The following UNC13C variants were observed in gnomAD, a reference collection of about 807,000 sequenced individuals.
The protein encoded by UNC13C is unc-13 homolog C.
UNC13C carries 174 observed loss-of-function variants against 245.4 expected under a neutral mutation model. The observed-to-expected ratio is 0.71, with a 90% CI of 0.63 to 0.80. The LOEUF (loss-of-function observed/expected upper bound fraction) is 0.80, where lower values mean the gene tolerates loss of function less well. UNC13C is among the 30% of genes least tolerant of loss of function. The pLI, the probability that UNC13C is intolerant of heterozygous loss-of-function variation, is 0.00. For missense variants in UNC13C, 2,829 were observed against 2,602.9 expected (o/e 1.09, Z -1.89); for synonymous variants, 992 against 895.1 (o/e 1.11, Z -1.93).
At chr15:54,462,994 C>T (rs1452920755) in intron 19 of UNC13C, among the ~76,000 whole-genome samples, 6 of 152,116 alleles carry the variant, frequency 3.9e-5, no homozygotes, top group Middle Eastern at 3.4e-3. Flanking sequence ...CTGTGTCTAG[C>T]TTGGGGGTTT....
chr15:54,530,585 G>A (rs1895691213), intron 25 of UNC13C, among the ~76,000 whole-genome samples: 1 of 152,070 alleles, frequency 6.6e-6, no homozygotes, highest in Admixed American at 6.6e-5. Flanking sequence ...AGAACAATAA[G>A]GGAACAGAGA....
At chr15:54,020,918 C>T (rs2141003576) in intron 2 of UNC13C, among the ~76,000 whole-genome samples, 1 of 152,084 alleles carries the variant, frequency 6.6e-6, no homozygotes, top group South Asian at 2.1e-4. Flanking sequence ...TAGAAGGCAA[C>T]TTATTTGCAA....
At chr15:54,278,574 C>T (rs1159857353) in intron 10 of UNC13C, among the ~76,000 whole-genome samples, 3 of 152,134 alleles carry the variant, frequency 2.0e-5, no homozygotes, top group African/African-American at 7.2e-5. Context: ...CAATGCCGTT[C>T]TTCTCTCCAT....
At chr15:54,548,260 C>T (rs1896581757) in intron 27 of UNC13C, among the ~76,000 whole-genome samples, 2 of 110,132 alleles carry the variant, frequency 1.8e-5, no homozygotes, top group South Asian at 3.3e-4. Flanking sequence ...CTCGCTCTTT[C>T]GCCCAGGCTG....
intron 19 of UNC13C, among the ~76,000 whole-genome samples, chr15:54,478,991 G>GC: frequency 1.3e-5 from 2 of 152,198 alleles, no homozygotes; most frequent in Middle Eastern, 6.8e-3. Flanking sequence ...GAATCTGGGT[G>GC]CTCCTGTATT....
chr15:53,899,651 A>G, the UNC13C span, among the ~76,000 whole-genome samples: 1 of 151,576 alleles, frequency 6.6e-6, no homozygotes, highest in Non-Finnish European at 1.5e-5. Context: ...CGCAACATCC[A>G]CCTCCCGGGT....
intron 19 of UNC13C, among the ~76,000 whole-genome samples, chr15:54,487,063 G>GTA (rs1893452389): frequency 6.6e-6 from 1 of 152,138 alleles, no homozygotes; most frequent in African/African-American, 2.4e-5. Context: ...CAATCAGAGA[G>GTA]TATATCTATG....
intron 18 of UNC13C, among the ~76,000 whole-genome samples, chr15:54,396,802 A>G (rs2040078341): frequency 6.6e-6 from 1 of 151,320 alleles, no homozygotes; most frequent in South Asian, 2.1e-4. Context: ...TTATCTGAAT[A>G]TTTGAAATTC....
chr15:54,420,860 T>C (rs1567257431), intron 19 of UNC13C, among the ~76,000 whole-genome samples: 2 of 152,044 alleles, frequency 1.3e-5, no homozygotes, highest in African/African-American at 4.8e-5. Flanking sequence ...AAGGGAATTC[T>C]GGTTCACTGA....
intron 4 of UNC13C, among the ~76,000 whole-genome samples, chr15:54,171,626 A>T (rs952442043): frequency 6.6e-6 from 1 of 152,072 alleles, no homozygotes; most frequent in Non-Finnish European, 1.5e-5. Flanking sequence ...AGAATGTGGA[A>T]AAAAGGGAAT....
At chr15:54,566,699 C>T (rs1308689111) in intron 29 of UNC13C, among the ~76,000 whole-genome samples, 1 of 151,940 alleles carries the variant, frequency 6.6e-6, no homozygotes, top group African/African-American at 2.4e-5. Context: ...TAGCTAATAC[C>T]CATAAAATTT....
the UNC13C span, among the ~76,000 whole-genome samples, chr15:53,929,569 T>G: frequency 6.6e-6 from 1 of 152,212 alleles, no homozygotes; most frequent in South Asian, 2.1e-4. Flanking sequence ...CTCAATATTT[T>G]TAGGTGCGTG....
At chr15:54,623,205 TGAC>T (rs1900909124) in intron 31 of UNC13C, among the ~76,000 whole-genome samples, 4 of 152,064 alleles carry the variant, frequency 2.6e-5, no homozygotes, top group African/African-American at 9.7e-5. Context: ...ATTTTTTTTA[TGAC>T]GACTGAAATT....
intron 19 of UNC13C, 138 bp downstream of exon 19, chr15:54,415,205 G>A (rs1246069341): frequency 1.8e-5 from 11 of 599,306 alleles, no homozygotes; most frequent in Admixed American, 6.9e-5. Flanking sequence ...ACTTATTTCC[G>A]TATGGTGAAA....
chr15:54,416,960 C>T (rs1298775719), intron 19 of UNC13C: 1 of 456,586 alleles, frequency 2.2e-6, no homozygotes, highest in African/African-American at 2.0e-5. Flanking sequence ...CACCAATCTT[C>T]ATAAGCAGCC....
chr15:54,108,434 G>C (rs550022290), intron 2 of UNC13C, among the ~76,000 whole-genome samples: 1 of 152,092 alleles, frequency 6.6e-6, no homozygotes, highest in Admixed American at 6.5e-5. Context: ...TGATCCGCCC[G>C]CTTTGGCCTC....
the UNC13C span, among the ~76,000 whole-genome samples, chr15:53,856,631 A>G: frequency 0.13 from 19,225 of 152,128 alleles, 1,378 homozygotes; most frequent in Admixed American, 0.21. Context: ...CTTGAGTTCT[A>G]GTTAGATTGC....
rs142752871 is a variant in UNC13C at position 54,555,810 on chromosome 15, C to T, written c.5958+298C>T. Among the ~76,000 whole-genome samples the T allele has an allele frequency of 2.8e-4, 42 of 152,154 alleles. No homozygotes were observed. In the East Asian group the frequency reaches 7.9e-3, roughly 29 times the overall value. On this transcript the variant is annotated intron_variant, in intron 29 of 32. Coordinates refer to ENST00000260323, the MANE Select transcript of UNC13C (RefSeq NM_001080534.3). ...GTCTCTCTCTAAAGCATAAGTGAAA[C>T]CTATGTTTTAACACATGTTCTCAAA...
rs570305389 is a variant in UNC13C at position 54,314,059 on chromosome 15, T to A, written c.4269-7880T>A. Among the ~76,000 whole-genome samples, 69 of 147,314 alleles carry A rather than the reference T, an allele frequency of 4.7e-4. 1 individual carries two copies. The highest frequency in any genetic ancestry group is 2.4e-3 in the South Asian group (11 of 4,592). ...AAAGACAAATACTGCATAATCTCAC[T>A]TATATGTGGCATCAAAAAAAAAAAA... On this transcript the variant is annotated intron_variant, in intron 13 of 32. Transcript: ENST00000260323.
Sources: gnomAD v4.1 joint callset for allele counts (sites outside exome capture counted in the v4.1 genomes callset) on GRCh38, gnomAD v4.1.1 for gene constraint, MANE v1.5 for transcripts, NCBI Gene and HGNC (gene_info 2026-07-23, HGNC 2026-07-21) for gene names.